The following DLG2 variants were observed in gnomAD, a reference collection of about 807,000 sequenced individuals.
The protein encoded by DLG2 is discs large MAGUK scaffold protein 2.
DLG2 carries 45 observed loss-of-function variants against 132.5 expected under a neutral mutation model. That is an observed-to-expected ratio of 0.34 (90% CI 0.27 to 0.44). DLG2 has a LOEUF of 0.44. Among genes scored for constraint, DLG2 ranks in the 20% least tolerant of loss-of-function variants. The probability of loss-of-function intolerance (pLI) is 1.00; values close to 1 mark genes in which losing one functional copy is unlikely to be tolerated. For synonymous variants in DLG2, 424 were observed against 419.6 expected (o/e 1.01, Z -0.13); for missense variants, 1,045 against 1,196.9 (o/e 0.87, Z 1.87).
rs1393018292 is a variant in DLG2 at position 84,483,077 on chromosome 11, AC to A, written c.519+51492del. ...TTCTTTGGACTCATATAACCTGGAA[AC>A]AAATGGTCATTATTCATTAAGGAAT... On this transcript the variant is annotated intron_variant, in intron 7 of 27. Coordinates refer to ENST00000376104, the MANE Select transcript of DLG2 (RefSeq NM_001142699.3). Among the ~76,000 whole-genome samples, 4 of 152,282 alleles carry A rather than the reference AC, an allele frequency of 2.6e-5. No individual in the cohort carries two copies. In the East Asian group the frequency reaches 7.7e-4, roughly 29 times the overall value.
rs1460991389 is a variant in DLG2, at chr11:83,953,698, A to T, written c.1340+9187T>A. Among the ~76,000 whole-genome samples, 7 of 152,214 alleles carry T rather than the reference A, an allele frequency of 4.6e-5. No homozygotes were observed. In the East Asian group the frequency reaches 1.3e-3, roughly 29 times the overall value. ...CTTGTCCTATATTATCACCTTATGGATGTATGAACATGAAAATAAACTCCT... is the reference window on the plus strand; with the variant it reads ...CTTGTCCTATATTATCACCTTATGGTTGTATGAACATGAAAATAAACTCCT... On this transcript the variant is annotated intron_variant, in intron 14 of 27. Coordinates refer to ENST00000376104, the MANE Select transcript of DLG2 (RefSeq NM_001142699.3).
chr11:83,608,052 A>C (rs1441001292), intron 19 of DLG2, among the ~76,000 whole-genome samples: 3 of 152,226 alleles, frequency 2.0e-5, no homozygotes, highest in Admixed American at 6.5e-5. Context: ...CTGGGTGGTG[A>C]CTACATATAC....
intron 6 of DLG2, among the ~76,000 whole-genome samples, chr11:84,818,226 CTA>C (rs1018047715): frequency 1.3e-5 from 2 of 151,996 alleles, no homozygotes; most frequent in African/African-American, 4.8e-5. Flanking sequence ...AATTCTGTCT[CTA>C]TTTATTACTC....
intron 7 of DLG2, among the ~76,000 whole-genome samples, chr11:84,256,790 A>T (rs2097479334): frequency 6.6e-6 from 1 of 152,282 alleles, no homozygotes; most frequent in East Asian, 1.9e-4. Context: ...TGAAAGTTTG[A>T]AAATGAGTCC....
intron 6 of DLG2, among the ~76,000 whole-genome samples, chr11:84,675,405 A>C (rs1430945509): frequency 6.6e-6 from 1 of 152,132 alleles, no homozygotes; most frequent in Non-Finnish European, 1.5e-5. Context: ...AAGGCTCTCC[A>C]TGCAAAAACC....
rs560518470 is a variant in DLG2, at chr11:85,536,520, T to C, written c.40+62137A>G. 2.6e-5 allele frequency among the ~76,000 whole-genome samples: 4 copies of C among 152,316 alleles called. 1 individual carries two copies. In the South Asian group the frequency reaches 8.3e-4, roughly 32 times the overall value. On this transcript the variant is annotated intron_variant, in intron 3 of 27. Coordinates refer to ENST00000376104, the MANE Select transcript of DLG2 (RefSeq NM_001142699.3). Reference sequence around the variant, plus strand: ...TTGGCCTTGGCGTCTGCTCTGCCAGTGTTTGAGGAGCCCTTCACCCTGTTG... The same window carrying C: ...TTGGCCTTGGCGTCTGCTCTGCCAGCGTTTGAGGAGCCCTTCACCCTGTTG...
chr11:85,081,649 G>C (rs1012335569), intron 6 of DLG2, among the ~76,000 whole-genome samples: 1 of 152,156 alleles, frequency 6.6e-6, no homozygotes, highest in Non-Finnish European at 1.5e-5. Context: ...TCTTGCAGTA[G>C]ACTGCCCAAG....
At chr11:84,166,278 C>A (rs190322775) in intron 8 of DLG2, among the ~76,000 whole-genome samples, 1 of 151,928 alleles carries the variant, frequency 6.6e-6, no homozygotes, top group South Asian at 2.1e-4. Context: ...CAGGAGCAGG[C>A]GGATCAAGAG....
chr11:84,669,910 A>C (rs1016507699), intron 6 of DLG2, among the ~76,000 whole-genome samples: 10 of 152,136 alleles, frequency 6.6e-5, no homozygotes, highest in African/African-American at 2.4e-4. Context: ...TGAACTGACA[A>C]AGAAAGGTAA....
At chr11:84,349,650 A>G (rs1465086318) in intron 7 of DLG2, among the ~76,000 whole-genome samples, 3 of 152,200 alleles carry the variant, frequency 2.0e-5, no homozygotes, top group Non-Finnish European at 4.4e-5. Flanking sequence ...CTTCACAGGT[A>G]GTTGACATAC....
chr11:84,087,350 G>A (rs1225826236), intron 10 of DLG2, among the ~76,000 whole-genome samples: 2 of 152,038 alleles, frequency 1.3e-5, no homozygotes, highest in African/African-American at 4.8e-5. Context: ...CCATTCTTGT[G>A]GGTATAAAGT....
intron 6 of DLG2, among the ~76,000 whole-genome samples, chr11:84,703,432 A>G (rs1334578556): frequency 6.6e-6 from 1 of 151,580 alleles, no homozygotes; most frequent in Admixed American, 6.6e-5. Context: ...TTCTACCAAG[A>G]TAAGCAGTGG....
chr11:83,492,388 TG>T (rs1382164524), intron 21 of DLG2, among the ~76,000 whole-genome samples: 1 of 152,032 alleles, frequency 6.6e-6, no homozygotes, highest in Non-Finnish European at 1.5e-5. Context: ...CTTTAAAAAT[TG>T]GGGGTATTTG....
chr11:85,604,670 G>T (rs534281187), intron 2 of DLG2, among the ~76,000 whole-genome samples: 5 of 151,954 alleles, frequency 3.3e-5, no homozygotes, highest in Non-Finnish European at 1.5e-5. Flanking sequence ...CTTGAGGGCA[G>T]GCACAGGAGG....
At chr11:84,463,960 T>C (rs898679854) in intron 7 of DLG2, among the ~76,000 whole-genome samples, 1 of 151,230 alleles carries the variant, frequency 6.6e-6, no homozygotes, top group Non-Finnish European at 1.5e-5. Flanking sequence ...TAAACTGAAG[T>C]TCACCTTTAG....
At chr11:84,646,272 T>C (rs2099674828) in intron 6 of DLG2, among the ~76,000 whole-genome samples, 2 of 152,220 alleles carry the variant, frequency 1.3e-5, no homozygotes, top group Non-Finnish European at 2.9e-5. Flanking sequence ...TGAATCAGTA[T>C]GGAGTACTTG....
chr11:85,059,691 A>T (rs1459804307), intron 6 of DLG2, among the ~76,000 whole-genome samples: 1 of 151,696 alleles, frequency 6.6e-6, no homozygotes, highest in African/African-American at 2.4e-5. Context: ...TTCTAGGCAT[A>T]TAAGTTTCAC....
intron 10 of DLG2, among the ~76,000 whole-genome samples, chr11:84,065,155 C>T (rs1046475270): frequency 1.3e-5 from 2 of 152,028 alleles, no homozygotes; most frequent in Non-Finnish European, 2.9e-5. Context: ...GGACATAGGA[C>T]CTGGCAAAGA....
chr11:83,611,489 GC>G (rs2060106519), intron 19 of DLG2, among the ~76,000 whole-genome samples: 2 of 152,136 alleles, frequency 1.3e-5, no homozygotes, highest in South Asian at 4.1e-4. Context: ...AAACTGACAA[GC>G]TTTGTTTTTT....
Sources: gnomAD v4.1 joint callset for allele counts (sites outside exome capture counted in the v4.1 genomes callset) on GRCh38, gnomAD v4.1.1 for gene constraint, MANE v1.5 for transcripts, NCBI Gene and HGNC (gene_info 2026-07-23, HGNC 2026-07-21) for gene names.